BRIP1: variants seen among roughly 807,000 people sequenced by gnomAD.
BRIP1 encodes the protein BRCA1 interacting DNA helicase 1.
BRIP1 carries 88 observed loss-of-function variants against 119.7 expected under a neutral mutation model. The ratio of observed to expected loss-of-function variants is 0.74; its 90% CI spans 0.62 to 0.88. The LOEUF is 0.88. BRIP1 is among the 40% of genes least tolerant of loss of function. The pLI is 0.00. For synonymous variants in BRIP1, 443 were observed against 496.5 expected, an observed-to-expected ratio of 0.89 and a Z score of 1.43; for missense variants, 1,259 against 1,455.4, an observed-to-expected ratio of 0.87 and a Z score of 2.20.
rs2077198108 is a variant in BRIP1, at chr17:61,756,184, C to T, written c.2098-11593G>A. Among the ~76,000 whole-genome samples the T allele has an allele frequency of 6.6e-6, 1 of 152,156 alleles. No homozygotes were observed. Among genetic ancestry groups the T allele is most frequent in the Non-Finnish European group, 1.5e-5 (1 of 68,036 alleles). ...GTCTACAGCTTTTATATTCTCATTG[C>T]AGGTGACACTTGAATTACACATTTA... is the stretch of plus-strand genomic sequence containing the variant. On this transcript the variant is annotated intron_variant, in intron 14 of 19. Transcript: ENST00000259008. The surrounding 1 kb of genome is among the most constrained non-coding windows in gnomAD (Gnocchi z 4.3).
rs772992664 is a variant in BRIP1, at chr17:61,709,777, C to T, written c.2492+6174G>A. 6.6e-6 allele frequency among the ~76,000 whole-genome samples: 1 copy of T among 152,170 alleles called. No homozygotes were observed. ...AAGACTAGTTAGAAAACTCATAGTG[C>T]AGTTGTAACCTGGTTGCAAAACCAT... On this transcript the variant is annotated intron_variant, in intron 17 of 19. Transcript: ENST00000259008. The surrounding 1 kb of genome is among the most constrained non-coding windows in gnomAD (Gnocchi z 5.0).
rs1254601387 is a variant in BRIP1 at position 61,693,168 on chromosome 17, T to A, written c.2575+262A>T. ...TATGAGGTATCCAAAACAGTCAAACTAATAGAAGCAGAAAGTATAGCGGTG... is the reference window on the plus strand; with the variant it reads ...TATGAGGTATCCAAAACAGTCAAACAAATAGAAGCAGAAAGTATAGCGGTG... On this transcript the variant is annotated intron_variant, in intron 18 of 19. Transcript: ENST00000259008. This position sits in a 1 kb window ranked among gnomAD's most constrained non-coding sequence, Gnocchi z 4.2. Among the ~76,000 whole-genome samples, 2 of 152,104 alleles carry A rather than the reference T, an allele frequency of 1.3e-5. No homozygotes were observed. Among genetic ancestry groups the A allele is most frequent in the African/African-American group, 4.8e-5 (2 of 41,406 alleles).
chr17:61,862,717 C>A lies in BRIP1; in HGVS notation c.-31+567G>T, dbSNP rs2078988564. On this transcript the variant is annotated intron_variant, in intron 1 of 19. Coordinates refer to ENST00000259008, the MANE Select transcript of BRIP1 (RefSeq NM_032043.3). This position sits in a 1 kb window ranked among gnomAD's most constrained non-coding sequence, Gnocchi z 5.3. ...TATTAAATAAGGAATTATTTGCAGTCGTGGGAAAAAATTGTAAATTCAACC... is the reference window on the plus strand; with the variant it reads ...TATTAAATAAGGAATTATTTGCAGTAGTGGGAAAAAATTGTAAATTCAACC... Among the ~76,000 whole-genome samples the A allele has an allele frequency of 6.6e-6, 1 of 151,982 alleles. No individual in the cohort carries two copies. The highest frequency in any genetic ancestry group is 2.4e-5 in the African/African-American group (1 of 41,368).
At chr17:61,801,519 T>C (rs763066587) in intron 7 of BRIP1, 45 bp from the exon 8 acceptor site, 38 of 1,445,940 alleles carry the variant, frequency 2.6e-5, no homozygotes, top group Non-Finnish European at 3.3e-5. Flanking sequence ...AATATTAGCA[T>C]AGAAGGAATA....
At position 61,713,789 on chromosome 17, in the gene BRIP1, T is replaced by C. The variant is rs146787965; in HGVS notation, c.2492+2162A>G. On this transcript the variant is annotated intron_variant, in intron 17 of 19. Coordinates refer to ENST00000259008, the MANE Select transcript of BRIP1 (RefSeq NM_032043.3). The surrounding 1 kb of genome is among the most constrained non-coding windows in gnomAD (Gnocchi z 4.9). ...TGCCCACCTTGGCCTCCCAAAGTGCTGGATTACAGGCTTCAGCTATTGCGC... is the reference window on the plus strand; with the variant it reads ...TGCCCACCTTGGCCTCCCAAAGTGCCGGATTACAGGCTTCAGCTATTGCGC... 1.9e-3 allele frequency among the ~76,000 whole-genome samples: 287 copies of C among 152,184 alleles called. 7 individuals carry two copies. The East Asian group carries it at 0.049, about 26-fold the overall frequency.
intron 3 of BRIP1, 120 bp downstream of exon 3, chr17:61,859,676 C>G (rs2078946278): frequency 1.4e-6 from 1 of 706,030 alleles, no homozygotes; most frequent in Non-Finnish European, 2.5e-6. Context: ...TTCAAAGAAA[C>G]ATCTTTAAAC....
At chr17:61,829,007 G>A (rs1282700049) in intron 6 of BRIP1, among the ~76,000 whole-genome samples, 1 of 152,092 alleles carries the variant, frequency 6.6e-6, no homozygotes, top group Non-Finnish European at 1.5e-5. Flanking sequence ...TGAAGGTAAA[G>A]TAGAATCCTA....
chr17:61,719,617 C>T (rs923365525), intron 16 of BRIP1, among the ~76,000 whole-genome samples: 2 of 150,986 alleles, frequency 1.3e-5, no homozygotes, highest in African/African-American at 2.4e-5. Context: ...CCCAGCTACT[C>T]GGGAGGCTGA....
chr17:61,774,347 A>G lies in BRIP1; in HGVS notation c.2097+2054T>C, dbSNP rs993265077. On this transcript the variant is annotated intron_variant, in intron 14 of 19. Coordinates refer to ENST00000259008, the MANE Select transcript of BRIP1 (RefSeq NM_032043.3). This position sits in a 1 kb window ranked among gnomAD's most constrained non-coding sequence, Gnocchi z 5.8. ...AACTATCACAAAGACAGAAAACCAA[A>G]CACCGCATGTTCTCACTCATAGGTG... is the stretch of plus-strand genomic sequence containing the variant. 6.6e-6 allele frequency among the ~76,000 whole-genome samples: 1 copy of G among 152,078 alleles called. No individual in the cohort carries two copies. The highest frequency in any genetic ancestry group is 1.5e-5 in the Non-Finnish European group (1 of 68,018).
chr17:61,694,521 T>A (rs1163165410), intron 17 of BRIP1, among the ~76,000 whole-genome samples: 1 of 152,056 alleles, frequency 6.6e-6, no homozygotes, highest in Non-Finnish European at 1.5e-5. Context: ...TGTTTTTTAT[T>A]CTCTTGGGCA....
chr17:61,723,602 G>A (rs973250942), intron 16 of BRIP1, among the ~76,000 whole-genome samples: 1 of 152,170 alleles, frequency 6.6e-6, no homozygotes, highest in South Asian at 2.1e-4. Flanking sequence ...TTGACAGAAA[G>A]TAAGCACCAT....
chr17:61,735,678 G>A lies in BRIP1; in HGVS notation c.2379+7335C>T, dbSNP rs1052833872. Among the ~76,000 whole-genome samples, 1 of 151,924 alleles carries A rather than the reference G, an allele frequency of 6.6e-6. No homozygotes were observed. The highest frequency in any genetic ancestry group is 1.9e-4 in the East Asian group (1 of 5,154). On this transcript the variant is annotated intron_variant, in intron 16 of 19. Transcript: ENST00000259008. The surrounding 1 kb of genome is among the most constrained non-coding windows in gnomAD (Gnocchi z 4.4). ...TAGCTGGGTGTGGTGGCGTGTGGCT[G>A]TAGTGCCAGCTACCCAGGAGGCTGA...
At chr17:61,741,411 A>G (rs941443064) in intron 16 of BRIP1, among the ~76,000 whole-genome samples, 1 of 152,338 alleles carries the variant, frequency 6.6e-6, no homozygotes, top group Non-Finnish European at 1.5e-5. Context: ...TCTTAATGGC[A>G]TCTAGAACGG....
In BRIP1 at chr17:61,846,613, G is replaced by A. The variant is rs530836527; in HGVS notation, c.627+488C>T. Among the ~76,000 whole-genome samples the A allele has an allele frequency of 4.6e-5, 7 of 152,120 alleles. No homozygotes were observed. The highest frequency in any genetic ancestry group is 1.9e-4 in the East Asian group (1 of 5,170). ...TGTTGCCCAGGCTGGTTTCAAACTC[G>A]TGAACTCAAGTGATCCACCCGCCTT... On this transcript the variant is annotated intron_variant, in intron 6 of 19. Coordinates refer to ENST00000259008, the MANE Select transcript of BRIP1 (RefSeq NM_032043.3). This position sits in a 1 kb window ranked among gnomAD's most constrained non-coding sequence, Gnocchi z 4.3.
intron 6 of BRIP1, among the ~76,000 whole-genome samples, chr17:61,811,482 C>T (rs763299977): frequency 1.3e-5 from 2 of 151,682 alleles, no homozygotes; most frequent in South Asian, 2.1e-4. Context: ...ATCGGCCTCC[C>T]GAAGTGCTGG....
chr17:61,849,940 T>C (rs556340022), intron 4 of BRIP1, among the ~76,000 whole-genome samples: 4 of 152,194 alleles, frequency 2.6e-5, no homozygotes, highest in African/African-American at 9.7e-5. Flanking sequence ...CATTTTCTTC[T>C]TCCTTAATGT....
At chr17:61,715,680 A>G (rs2061848851) in intron 17 of BRIP1, among the ~76,000 whole-genome samples, 1 of 152,202 alleles carries the variant, frequency 6.6e-6, no homozygotes, top group African/African-American at 2.4e-5. Context: ...TTTAATATTT[A>G]CTGAGCATCT....
intron 17 of BRIP1, among the ~76,000 whole-genome samples, chr17:61,715,747 G>T (rs948828268): frequency 2.0e-5 from 3 of 152,144 alleles, no homozygotes; most frequent in African/African-American, 7.2e-5. Context: ...TTAGCAAATT[G>T]TGAGTTTTGT....
chr17:61,785,245 G>A (rs1368856939), intron 10 of BRIP1, among the ~76,000 whole-genome samples: 2 of 152,120 alleles, frequency 1.3e-5, no homozygotes, highest in African/African-American at 2.4e-5. Context: ...ATGACTTAAG[G>A]AAACAATACA....
Sources: allele counts gnomAD v4.1 joint callset (sites outside exome capture counted in the v4.1 genomes callset), GRCh38; gene constraint gnomAD v4.1.1; non-coding constraint Gnocchi (gnomAD v3.1); transcripts MANE v1.5; gene names NCBI Gene and HGNC (gene_info 2026-07-23, HGNC 2026-07-21).